Variants in GALNT13 observed in about 807,000 individuals in gnomAD.
GALNT13 encodes the protein UDP-GalNAc:polypeptide N-acetylgalactosaminyltransferase 13.
GALNT13 carries 28 observed loss-of-function variants against 64.2 expected under a neutral mutation model. The observed-to-expected ratio is 0.44, with a 90% CI of 0.32 to 0.60. The LOEUF (loss-of-function observed/expected upper bound fraction) is 0.60, where lower values mean the gene tolerates loss of function less well. Ranked by LOEUF, GALNT13 falls within the 20% of genes least tolerant of loss-of-function variation. GALNT13 has a pLI of 0.05. For synonymous variants in GALNT13, 214 were observed against 224.6 expected, an observed-to-expected ratio of 0.95 and a Z score of 0.42; for missense variants, 577 against 669.8, an observed-to-expected ratio of 0.86 and a Z score of 1.53.
intron 3 of GALNT13, among the ~76,000 whole-genome samples, chr2:153,978,980 A>G (rs62172786): frequency 0.2 from 30,648 of 152,006 alleles, 4,041 homozygotes; most frequent in Middle Eastern, 0.33. Flanking sequence ...TAATAACAAT[A>G]CAGTAATATG....
the GALNT13 span, among the ~76,000 whole-genome samples, chr2:153,799,420 T>C: frequency 6.6e-6 from 1 of 152,088 alleles, no homozygotes; most frequent in Admixed American, 6.6e-5. Context: ...TTTATCGACA[T>C]GCATACCCTG....
the GALNT13 span, among the ~76,000 whole-genome samples, chr2:153,378,532 G>A: frequency 6.6e-6 from 1 of 152,098 alleles, no homozygotes; most frequent in Non-Finnish European, 1.5e-5. Flanking sequence ...GCTGACCTCC[G>A]TAGGTCACTT....
At chr2:153,630,215 A>AC in the GALNT13 span, among the ~76,000 whole-genome samples, 1 of 152,136 alleles carries the variant, frequency 6.6e-6, no homozygotes, top group African/African-American at 2.4e-5. Flanking sequence ...TTATTGCAGC[A>AC]CTATTCACAA....
chr2:153,954,126 A>C (rs1301635528), intron 3 of GALNT13, among the ~76,000 whole-genome samples: 1 of 152,162 alleles, frequency 6.6e-6, no homozygotes, highest in Non-Finnish European at 1.5e-5. Flanking sequence ...TTGGGGAAGA[A>C]TTCCTATGTT....
At chr2:153,335,557 T>C in the GALNT13 span, among the ~76,000 whole-genome samples, 1 of 152,168 alleles carries the variant, frequency 6.6e-6, no homozygotes, top group Non-Finnish European at 1.5e-5. Flanking sequence ...AGAGAGATGA[T>C]TTAGGATATC....
At chr2:153,333,426 C>T in the GALNT13 span, among the ~76,000 whole-genome samples, 6 of 152,166 alleles carry the variant, frequency 3.9e-5, no homozygotes, top group African/African-American at 1.4e-4. Context: ...CTGGCATTCT[C>T]ATTTTTTGGA....
At chr2:153,113,007 A>G in the GALNT13 span, among the ~76,000 whole-genome samples, 1 of 152,238 alleles carries the variant, frequency 6.6e-6, no homozygotes, top group African/African-American at 2.4e-5. Context: ...TTCCAGATCA[A>G]AATCCATTTA....
chr2:153,571,765 G>A, the GALNT13 span, among the ~76,000 whole-genome samples: 4 of 151,998 alleles, frequency 2.6e-5, no homozygotes, highest in Non-Finnish European at 5.9e-5. Flanking sequence ...ATTTGCAAAT[G>A]TTGAAGCATC....
chr2:153,290,950 C>T, the GALNT13 span, among the ~76,000 whole-genome samples: 53 of 152,246 alleles, frequency 3.5e-4, no homozygotes, highest in Middle Eastern at 3.4e-3. Flanking sequence ...GTGTTCACTA[C>T]GAAATTTAGC....
chr2:153,980,921 G>A (rs1355015416), intron 3 of GALNT13, among the ~76,000 whole-genome samples: 1 of 152,178 alleles, frequency 6.6e-6, no homozygotes, highest in South Asian at 2.1e-4. Flanking sequence ...AGGAAGCCAG[G>A]CTCTTCCTTT....
chr2:153,852,792 G>A, the GALNT13 span, among the ~76,000 whole-genome samples: 1 of 152,162 alleles, frequency 6.6e-6, no homozygotes, highest in Non-Finnish European at 1.5e-5. Flanking sequence ...TTAACTGCTA[G>A]GTATTTAGTC....
At chr2:153,214,705 A>G in the GALNT13 span, among the ~76,000 whole-genome samples, 9 of 152,164 alleles carry the variant, frequency 5.9e-5, no homozygotes, top group African/African-American at 4.8e-5. Context: ...ACATTTTAAT[A>G]CTTAGACTAA....
chr2:154,411,230 T>C (rs1056297072), intron 11 of GALNT13, among the ~76,000 whole-genome samples: 1 of 151,756 alleles, frequency 6.6e-6, no homozygotes, highest in Non-Finnish European at 1.5e-5. Flanking sequence ...TATCCCTACT[T>C]TTATTCTAAT....
chr2:153,772,574 G>A, the GALNT13 span, among the ~76,000 whole-genome samples: 1 of 152,196 alleles, frequency 6.6e-6, no homozygotes, highest in Non-Finnish European at 1.5e-5. Flanking sequence ...TTGAATTAAA[G>A]CTCAAAGAGT....
At chr2:153,665,645 C>G in the GALNT13 span, among the ~76,000 whole-genome samples, 2 of 152,132 alleles carry the variant, frequency 1.3e-5, no homozygotes, top group African/African-American at 2.4e-5. Context: ...TGACCAGACT[C>G]TGGTCTGAAG....
intron 3 of GALNT13, among the ~76,000 whole-genome samples, chr2:154,128,497 T>C (rs113296008): frequency 6.6e-6 from 1 of 151,994 alleles, no homozygotes; most frequent in African/African-American, 2.4e-5. Flanking sequence ...CCAGAGGCAA[T>C]GAAAAACGCA....
chr2:153,270,349 C>A, the GALNT13 span, among the ~76,000 whole-genome samples: 1 of 152,140 alleles, frequency 6.6e-6, no homozygotes, highest in African/African-American at 2.4e-5. Flanking sequence ...TCTGTTAATG[C>A]ACTAGCTCAT....
intron 9 of GALNT13, among the ~76,000 whole-genome samples, chr2:154,368,196 G>A (rs539813114): frequency 2.5e-4 from 38 of 152,088 alleles, no homozygotes; most frequent in Non-Finnish European, 3.5e-4. Flanking sequence ...TGACAAAAAG[G>A]CAGTTTCACA....
the GALNT13 span, among the ~76,000 whole-genome samples, chr2:153,128,811 G>A: frequency 6.6e-6 from 1 of 151,572 alleles, no homozygotes; most frequent in Non-Finnish European, 1.5e-5. Flanking sequence ...AGGTAAGGAG[G>A]AACTCTTACA....
Sources: gnomAD v4.1 joint callset for allele counts (sites outside exome capture counted in the v4.1 genomes callset) on GRCh38, gnomAD v4.1.1 for gene constraint, MANE v1.5 for transcripts, NCBI Gene and HGNC (gene_info 2026-07-23, HGNC 2026-07-21) for gene names.